Variants in STAG1 observed in about 807,000 individuals in gnomAD.
The protein encoded by STAG1 is STAG1 cohesin complex component, also known as cohesin subunit SA-1.
A neutral mutation model predicts 170.9 loss-of-function variants in STAG1; 26 were observed. That is an observed-to-expected ratio of 0.15 (90% confidence interval 0.11 to 0.21). The LOEUF (loss-of-function observed/expected upper bound fraction) is 0.21. Ranked by LOEUF, STAG1 falls within the 10% of genes least tolerant of loss-of-function variation. The pLI, the probability that STAG1 is intolerant of heterozygous loss-of-function variation, is 1.00. For missense variants in STAG1, 964 were observed against 1,509.5 expected (o/e 0.64, Z 5.99); for synonymous variants, 514 against 497.7 (o/e 1.03, Z -0.44).
At chr3:136,565,939 G>A (rs1937060799) in intron 5 of STAG1, among the ~76,000 whole-genome samples, 1 of 152,176 alleles carries the variant, frequency 6.6e-6, no homozygotes. Flanking sequence ...GGTGACATAT[G>A]GTGTGGTTCC....
intron 14 of STAG1, among the ~76,000 whole-genome samples, chr3:136,449,332 A>G (rs1332334652): frequency 6.6e-6 from 1 of 152,170 alleles, no homozygotes; most frequent in Non-Finnish European, 1.5e-5. Flanking sequence ...AGGCCGAGGC[A>G]GGTGGACCAC....
intron 1 of STAG1, among the ~76,000 whole-genome samples, chr3:136,716,345 G>A (rs189932481): frequency 2.6e-5 from 4 of 151,828 alleles, no homozygotes; most frequent in Admixed American, 2.6e-4. Context: ...TGCCTGCAGT[G>A]CCAGCTACTC....
At chr3:136,733,084 C>CT (rs55935142) in intron 1 of STAG1, among the ~76,000 whole-genome samples, 4,132 of 128,296 alleles carry the variant, frequency 0.032, 117 homozygotes, top group Non-Finnish European at 0.041. Flanking sequence ...TAAAACCTAA[C>CT]TTTTTTTTTT....
chr3:136,529,494 A>C (rs1325549285), intron 6 of STAG1, among the ~76,000 whole-genome samples: 3 of 152,222 alleles, frequency 2.0e-5, no homozygotes, highest in Non-Finnish European at 4.4e-5. Context: ...CACTGCTAAA[A>C]GAAAACAACA....
chr3:136,623,027 T>A, intron 3 of STAG1, 119 bp downstream of exon 3: 1 of 804,840 alleles, frequency 1.2e-6, no homozygotes, highest in Non-Finnish European at 2.0e-6. Flanking sequence ...TTCCAATCTC[T>A]ATTGTGTCAC....
At chr3:136,634,438 A>G (rs2107841380) in intron 1 of STAG1, among the ~76,000 whole-genome samples, 1 of 152,178 alleles carries the variant, frequency 6.6e-6, no homozygotes, top group South Asian at 2.1e-4. Flanking sequence ...AAACATATAA[A>G]AAATCATAAA....
chr3:136,340,455 A>G (rs1560043201), intron 32 of STAG1, 36 bp downstream of exon 32: 1 of 1,415,546 alleles, frequency 7.1e-7, no homozygotes, highest in Middle Eastern at 1.8e-4. Context: ...GCCCCCACAT[A>G]TTTTAACAAA....
intron 6 of STAG1, among the ~76,000 whole-genome samples, chr3:136,536,934 A>G (rs9880099): frequency 0.013 from 2,034 of 152,316 alleles, 29 homozygotes; most frequent in Middle Eastern, 0.031. Flanking sequence ...GCATCCATTA[A>G]GCATAATTAT....
At chr3:136,650,051 G>C (rs1027951151) in intron 1 of STAG1, among the ~76,000 whole-genome samples, 4 of 152,050 alleles carry the variant, frequency 2.6e-5, no homozygotes, top group African/African-American at 9.7e-5. Flanking sequence ...ACAGGCGTGA[G>C]CCATCACGCC....
chr3:136,680,824 A>C (rs1355658155), intron 1 of STAG1, among the ~76,000 whole-genome samples: 1 of 151,470 alleles, frequency 6.6e-6, no homozygotes, highest in Non-Finnish European at 1.5e-5. Flanking sequence ...TACGTATAAA[A>C]GTATACATTT....
At chr3:136,468,318 AG>A (rs2089528255) in intron 12 of STAG1, among the ~76,000 whole-genome samples, 2 of 152,170 alleles carry the variant, frequency 1.3e-5, no homozygotes, top group African/African-American at 2.4e-5. Flanking sequence ...AAAAGGATAA[AG>A]GGGATATCAC....
chr3:136,675,869 C>T (rs1942114064), intron 1 of STAG1, among the ~76,000 whole-genome samples: 1 of 152,224 alleles, frequency 6.6e-6, no homozygotes, highest in Non-Finnish European at 1.5e-5. Flanking sequence ...AAACACTCCA[C>T]AATGTGCAAT....
chr3:136,417,859 C>A (rs2087819640), intron 21 of STAG1, 26 bp downstream of exon 21: 1 of 1,571,638 alleles, frequency 6.4e-7, no homozygotes, highest in Admixed American at 1.7e-5. Context: ...TAGAGTCATA[C>A]AGAAGGAATA....
At chr3:136,646,513 C>G (rs1277579070) in intron 1 of STAG1, among the ~76,000 whole-genome samples, 1 of 152,132 alleles carries the variant, frequency 6.6e-6, no homozygotes, top group Non-Finnish European at 1.5e-5. Flanking sequence ...TCAATACTAT[C>G]TCAGAAAATA....
intron 7 of STAG1, among the ~76,000 whole-genome samples, chr3:136,505,681 T>A (rs1933722315): frequency 1.3e-5 from 2 of 152,208 alleles, no homozygotes; most frequent in Admixed American, 6.5e-5. Flanking sequence ...AACAAACAAC[T>A]TCCTTTTGTG....
At chr3:136,519,658 G>A (rs1411278725) in intron 7 of STAG1, among the ~76,000 whole-genome samples, 2 of 151,026 alleles carry the variant, frequency 1.3e-5, no homozygotes, top group African/African-American at 4.9e-5. Flanking sequence ...AAAAAGCAAC[G>A]ACCAAATGCA....
chr3:136,468,622 A>G (rs893334986), intron 12 of STAG1, among the ~76,000 whole-genome samples: 19 of 152,184 alleles, frequency 1.2e-4, no homozygotes, highest in African/African-American at 4.6e-4. Flanking sequence ...ATTCCAATCA[A>G]CAGAAAAAGA....
chr3:136,554,355 CAAT>C (rs1175682056), intron 5 of STAG1, among the ~76,000 whole-genome samples: 2 of 152,006 alleles, frequency 1.3e-5, no homozygotes, highest in African/African-American at 4.8e-5. Flanking sequence ...AGAACAAGCA[CAAT>C]AAATTAGAAG....
chr3:136,742,666 GATTGCGCC>G (rs1266747590), intron 1 of STAG1, among the ~76,000 whole-genome samples: 1 of 150,316 alleles, frequency 6.7e-6, no homozygotes, highest in Non-Finnish European at 1.5e-5. Context: ...AGTGAGCAGA[GATTGCGCC>G]ACTGCACTCC....
Sources: allele counts gnomAD v4.1 joint callset (sites outside exome capture counted in the v4.1 genomes callset), GRCh38; gene constraint gnomAD v4.1.1; transcripts MANE v1.5; gene names NCBI Gene and HGNC (gene_info 2026-07-23, HGNC 2026-07-21).